Variants in LMO7 observed in about 807,000 individuals in gnomAD.
LMO7 encodes LIM domain 7.
LMO7 carries 120 observed loss-of-function variants against 206.5 expected under a neutral mutation model. The observed-to-expected ratio is 0.58, with a 90% confidence interval of 0.50 to 0.68. The LOEUF is 0.68. Ranked by LOEUF, LMO7 falls within the 30% of genes least tolerant of loss-of-function variation. The pLI is 0.00. For missense variants in LMO7, 1,959 were observed against 1,957.9 expected, an observed-to-expected ratio of 1.00 and a Z score of -0.01; for synonymous variants, 706 against 681.5, an observed-to-expected ratio of 1.04 and a Z score of -0.56.
intron 4 of LMO7, among the ~76,000 whole-genome samples, chr13:75,768,106 T>G (rs1594828177): frequency 1.3e-5 from 2 of 152,186 alleles, no homozygotes; most frequent in East Asian, 3.9e-4. Context: ...TAGTAAGTGC[T>G]CCATAAATGG....
At chr13:75,681,718 GTATATATATATA>G (rs71127572) in intron 1 of LMO7, among the ~76,000 whole-genome samples, 1,627 of 104,566 alleles carry the variant, frequency 0.016, 71 homozygotes, top group East Asian at 0.12. Context: ...ATATATATAT[GTATATATATATA>G]TATATATATA....
chr13:75,737,724 GC>G (rs2045971401), intron 3 of LMO7, among the ~76,000 whole-genome samples: 1 of 119,386 alleles, frequency 8.4e-6, no homozygotes, highest in Admixed American at 1.0e-4. Context: ...CTGCACTCCA[GC>G]CTGGGCGACA....
At chr13:75,751,061 A>G (rs1423693167) in intron 3 of LMO7, among the ~76,000 whole-genome samples, 1 of 151,168 alleles carries the variant, frequency 6.6e-6, no homozygotes, top group Non-Finnish European at 1.5e-5. Flanking sequence ...TTGCCAGATT[A>G]TAAATAGAAA....
At chr13:75,790,277 T>C (rs2053085273) in intron 4 of LMO7, among the ~76,000 whole-genome samples, 1 of 152,156 alleles carries the variant, frequency 6.6e-6, no homozygotes, top group Non-Finnish European at 1.5e-5. Flanking sequence ...GGAATAGCCT[T>C]GAATTGTCTC....
Position 75,853,195 on chromosome 13 carries a change from G to A in LMO7, c.4468G>A (p.Asp1490Asn), listed in dbSNP as rs758454347. 1.2e-6 allele frequency: 2 copies of A among 1,614,128 alleles called. No individual in the cohort carries two copies. Among genetic ancestry groups the A allele is most frequent in the South Asian group, 1.1e-5 (1 of 91,086 alleles). Residue 1490 changes from aspartate to asparagine, a missense_variant, in exon 28 of 31, where the codon GAC becomes AAC. Asp to Asn is a conservative substitution (Grantham distance 23). Coordinates refer to ENST00000377534, the MANE Select transcript of LMO7 (RefSeq NM_001306080.2). ...TGFYASSSVQ[D>N]FSRPPPQLVS... ...ATTCTATGCTTCTTCCTCTGTGCAAGACTTTAGTCGCCCACCACCTCAGCT... is the reference window on the plus strand; with the variant it reads ...ATTCTATGCTTCTTCCTCTGTGCAAAACTTTAGTCGCCCACCACCTCAGCT...
rs17065062 is a variant in LMO7 at position 75,800,586 on chromosome 13, C to T, written c.463-98C>T. On this transcript the variant is annotated intron_variant, in intron 6 of 30. Transcript: ENST00000377534. ...CTCATGCCTTACATGTCAAATAAAA[C>T]CCAACTTAAATTAGGCAAACAAGCA... is the stretch of plus-strand genomic sequence containing the variant. 3,124 of 1,110,790 alleles carry T rather than the reference C, an allele frequency of 2.8e-3. 46 individuals are homozygous for T. The African/African-American group carries it at 0.033, about 12-fold the overall frequency. 68.8% of individuals were successfully genotyped at this position (1,110,790 alleles called of 1,614,324 possible).
chr13:75,649,974 A>G (rs969629012), intron 1 of LMO7, among the ~76,000 whole-genome samples: 3 of 152,076 alleles, frequency 2.0e-5, no homozygotes, highest in Admixed American at 1.3e-4. Flanking sequence ...TTAGTTCACA[A>G]TACTTTAGTG....
chr13:75,709,000 A>G (rs1156527690), intron 1 of LMO7, among the ~76,000 whole-genome samples: 2 of 146,760 alleles, frequency 1.4e-5, no homozygotes, highest in Admixed American at 1.4e-4. Flanking sequence ...TCCTGTGTCC[A>G]TGTGTTCTCA....
intron 2 of LMO7, among the ~76,000 whole-genome samples, chr13:75,717,101 C>T (rs1019857847): frequency 6.6e-6 from 1 of 151,952 alleles, no homozygotes; most frequent in South Asian, 2.1e-4. Context: ...CGGTGGCTCA[C>T]GCCTGTAATC....
chr13:75,666,644 C>G (rs145389338), intron 1 of LMO7, among the ~76,000 whole-genome samples: 166 of 152,210 alleles, frequency 1.1e-3, no homozygotes, highest in African/African-American at 3.7e-3. Context: ...ATAGATAATT[C>G]CACATAAACA....
At chr13:75,710,402 T>C (rs1392258721) in intron 1 of LMO7, among the ~76,000 whole-genome samples, 1 of 152,232 alleles carries the variant, frequency 6.6e-6, no homozygotes. Flanking sequence ...TATGGCCATT[T>C]TCATGATATT....
At chr13:75,657,409 A>G (rs2038160797) in intron 1 of LMO7, among the ~76,000 whole-genome samples, 2 of 152,164 alleles carry the variant, frequency 1.3e-5, no homozygotes, top group Non-Finnish European at 2.9e-5. Context: ...TATCTCATGC[A>G]TATGTGTGTG....
chr13:75,716,433 G>T (rs995384091), intron 2 of LMO7, among the ~76,000 whole-genome samples: 4 of 152,016 alleles, frequency 2.6e-5, no homozygotes, highest in Non-Finnish European at 4.4e-5. Flanking sequence ...GTGTTGTTTA[G>T]TTTGACTGTG....
Position 75,713,045 on chromosome 13 carries a change from G to A in LMO7, c.70-137G>A, listed in dbSNP as rs1055340424. On this transcript the variant is annotated intron_variant, in intron 1 of 30. Coordinates refer to ENST00000377534, the MANE Select transcript of LMO7 (RefSeq NM_001306080.2). Reference sequence around the variant, plus strand: ...ACAGTACATATTCCTATAAGGAACAGATTATAGGATATAACAGTCTATATA... The same window carrying A: ...ACAGTACATATTCCTATAAGGAACAAATTATAGGATATAACAGTCTATATA... The A allele has an allele frequency of 1.6e-5, 9 of 556,070 alleles. No homozygotes were observed. The Admixed American group carries it at 3.0e-4, about 18-fold the overall frequency. 34.4% of individuals were successfully genotyped at this position (556,070 alleles called of 1,614,324 possible).
rs945313677 is a variant in LMO7 at position 75,836,427 on chromosome 13, C to A, written c.3364C>A (p.His1122Asn). The change falls in exon 19 of 31, where the codon CAT becomes AAT. Residue 1122 changes from histidine (H) to asparagine (N), a missense_variant. Coordinates refer to ENST00000377534, the MANE Select transcript of LMO7 (RefSeq NM_001306080.2). ...TGAATCCAAAGAAATCAATGGAATTCATGATGAAAGCAATGCTTTTGAATC... is the reference window on the plus strand; with the variant it reads ...TGAATCCAAAGAAATCAATGGAATTAATGATGAAAGCAATGCTTTTGAATC... ...NIESKEINGIHDESNAFESKA... is the reference protein window; with the variant it reads ...NIESKEINGINDESNAFESKA... 3.3e-6 allele frequency: 5 copies of A among 1,535,964 alleles called. No individual in the cohort carries two copies. The African/African-American group carries it at 5.5e-5, about 17-fold the overall frequency.
intron 1 of LMO7, among the ~76,000 whole-genome samples, chr13:75,644,096 C>A (rs1188175488): frequency 6.6e-6 from 1 of 152,018 alleles, no homozygotes; most frequent in Non-Finnish European, 1.5e-5. Flanking sequence ...GTGCCCTACA[C>A]TACATGAGCT....
intron 15 of LMO7, among the ~76,000 whole-genome samples, chr13:75,830,010 C>A (rs1026697096): frequency 6.6e-6 from 1 of 152,092 alleles, no homozygotes; most frequent in Non-Finnish European, 1.5e-5. Flanking sequence ...TATCAGTCTT[C>A]AGGAATCTAG....
chr13:75,797,508 G>C (rs2140852232), intron 6 of LMO7, among the ~76,000 whole-genome samples: 1 of 152,276 alleles, frequency 6.6e-6, no homozygotes, highest in African/African-American at 2.4e-5. Flanking sequence ...CTTTTGTGTA[G>C]TCACAATGGT....
intron 2 of LMO7, among the ~76,000 whole-genome samples, chr13:75,724,819 G>C (rs2044325764): frequency 6.6e-6 from 1 of 152,112 alleles, no homozygotes. Flanking sequence ...CCTTAGAATT[G>C]TGACTACTAA....
Sources: gnomAD v4.1 joint callset for allele counts (sites outside exome capture counted in the v4.1 genomes callset) on GRCh38, gnomAD v4.1.1 for gene constraint, MANE v1.5 for transcripts, NCBI Gene and HGNC (gene_info 2026-07-23, HGNC 2026-07-21) for gene names.